The following ANKRD49 variants were observed in gnomAD, a reference collection of about 807,000 sequenced individuals.
The protein encoded by ANKRD49 is ankyrin repeat domain-containing protein 49.
A neutral mutation model predicts 19.6 loss-of-function variants in ANKRD49; 18 were observed. The observed-to-expected ratio is 0.92, with a 90% confidence interval of 0.63 to 1.36. The LOEUF is 1.36. ANKRD49 is among the 40% of genes most tolerant of loss of function. The pLI is 0.00. For missense variants in ANKRD49, 218 were observed against 281.6 expected (o/e 0.77, Z 1.62); for synonymous variants, 88 against 101.8 (o/e 0.86, Z 0.82).
intron 2 of ANKRD49, chr11:94,497,297 A>ATCCC (rs1947429486): frequency 4.4e-6 from 2 of 450,980 alleles, no homozygotes; most frequent in Non-Finnish European, 7.8e-6. Context: ...ATCATCATGT[A>ATCCC]TCCCTATAAG....
Position 94,498,364 on chromosome 11 carries a change from C to G in ANKRD49, c.552C>G (p.Asn184Lys). The G allele has an allele frequency of 1.9e-6, 3 of 1,613,408 alleles. No individual in the cohort carries two copies. The highest frequency in any genetic ancestry group is 1.7e-6 in the Non-Finnish European group (2 of 1,179,896). Reference sequence around the variant, plus strand: ...CCCCCTTGCATCTTGCTGCTGGGAACAGAGACAGCAAGGATACCCTAGAAC... The same window carrying G: ...CCCCCTTGCATCTTGCTGCTGGGAAGAGAGACAGCAAGGATACCCTAGAAC... ...LLTPLHLAAG[N>K]RDSKDTLELL... The change falls in exon 3 of 3, where the codon AAC becomes AAG. Residue 184 changes from asparagine to lysine, a missense_variant. Asn to Lys is a moderately conservative substitution (Grantham distance 94, BLOSUM62 0). Transcript: ENST00000544612.
chr11:94,496,634 C>G lies in ANKRD49; in HGVS notation c.-60C>G. 1.4e-6 allele frequency: 2 copies of G among 1,416,482 alleles called. No homozygotes were observed. The highest frequency in any genetic ancestry group is 9.5e-7 in the Non-Finnish European group (1 of 1,055,852). The allele number at this position is 1,416,482 out of a possible 1,614,324, so 87.7% of individuals were successfully genotyped here. A position where few individuals can be genotyped will look rare whatever the true frequency, so the allele number is the denominator to read the frequency against. On this transcript the variant is annotated 5_prime_UTR_variant, in exon 2 of 3. The change creates a new upstream start codon in the 5' untranslated region. Transcript: ENST00000544612. Reference sequence around the variant, plus strand: ...GATGAACAAAGCAGTCATAATTCATCTCTAGAAAGATTTATATCCTGGCAT... The same window carrying G: ...GATGAACAAAGCAGTCATAATTCATGTCTAGAAAGATTTATATCCTGGCAT...
At chr11:94,496,156 G>T (rs2135160371) in intron 1 of ANKRD49, among the ~76,000 whole-genome samples, 1 of 152,156 alleles carries the variant, frequency 6.6e-6, no homozygotes, top group East Asian at 1.9e-4. Context: ...TCCTTTTGGG[G>T]GCTATTCCAT....
rs1339170206 is a variant in ANKRD49, at chr11:94,493,990, C to G, written c.-136C>G. 6.6e-6 allele frequency: 1 copy of G among 152,344 alleles called. No homozygotes were observed. The highest frequency in any genetic ancestry group is 6.5e-5 in the Admixed American group (1 of 15,284). The allele number at this position is 152,344 out of a possible 1,614,324, so 9.4% of individuals were successfully genotyped here. On this transcript the variant is annotated 5_prime_UTR_variant, in exon 1 of 3. Transcript: ENST00000544612. ...AGCCAATCCTGAGCAGGCTAGGAGA[C>G]GAACCCGGAAGTGAGATGCAAGGCG...
Position 94,496,642 on chromosome 11 carries a change from A to G in ANKRD49, c.-52A>G, listed in dbSNP as rs918981541. The G allele has an allele frequency of 4.1e-6, 6 of 1,455,872 alleles. No individual in the cohort carries two copies. Among genetic ancestry groups the G allele is most frequent in the Non-Finnish European group, 5.5e-6 (6 of 1,089,100 alleles). 90.2% of individuals were successfully genotyped at this position (1,455,872 alleles called of 1,614,324 possible). A position where few individuals can be genotyped will look rare whatever the true frequency, so the allele number is the denominator to read the frequency against. On this transcript the variant is annotated 5_prime_UTR_variant, in exon 2 of 3. Transcript: ENST00000544612. ...AAGCAGTCATAATTCATCTCTAGAAAGATTTATATCCTGGCATTTGAAATG... is the reference window on the plus strand; with the variant it reads ...AAGCAGTCATAATTCATCTCTAGAAGGATTTATATCCTGGCATTTGAAATG...
chr11:94,498,502 A>G lies in ANKRD49; in HGVS notation c.690A>G (p.Glu230=), dbSNP rs537960631. 2 of 1,613,520 alleles carry G rather than the reference A, an allele frequency of 1.2e-6. No homozygotes were observed. Among genetic ancestry groups the G allele is most frequent in the South Asian group, 2.2e-5 (2 of 91,004 alleles). ...ATCACTACCTCTTTGAAATTGTGGA[A>G]GGCTGTACAAATTCTTCACCTCAGT... The part of the protein sequence containing the change: ...SIYHYLFEIV[E]GCTNSSPQS The change falls in exon 3 of 3, where the codon GAA becomes GAG. Residue 230 remains glutamate, a synonymous_variant. Transcript: ENST00000544612.
At chr11:94,497,228 G>C in intron 2 of ANKRD49, 1 of 524,396 alleles carries the variant, frequency 1.9e-6, no homozygotes, top group Non-Finnish European at 3.3e-6. Flanking sequence ...AGAGAGGATG[G>C]AAACTAACAT....
At chr11:94,496,532 C>T in intron 1 of ANKRD49, 72 bp from the exon 2 acceptor site, 4 of 635,536 alleles carry the variant, frequency 6.3e-6, no homozygotes, top group Non-Finnish European at 1.0e-5. Context: ...TATATGTTTG[C>T]AAGACTTATC....
At chr11:94,494,272 A>T (rs971900569) in intron 1 of ANKRD49, 3 of 152,188 alleles carry the variant, frequency 2.0e-5, no homozygotes, top group Non-Finnish European at 4.4e-5. Flanking sequence ...CCGGAGCTGG[A>T]TCCCCTCTCC....
Position 94,498,107 on chromosome 11 carries a change from A to C in ANKRD49, c.295A>C (p.Thr99Pro), listed in dbSNP as rs146992146. The change falls in exon 3 of 3, where the codon ACT becomes CCT. Residue 99 changes from threonine to proline, a missense_variant. Physicochemically the swap from Thr to Pro is conservative, Grantham distance 38. Coordinates refer to ENST00000544612, the MANE Select transcript of ANKRD49 (RefSeq NM_017704.3). ...TVRRLLSEKATHVNTRDEDEY... is the reference protein window; with the variant it reads ...TVRRLLSEKAPHVNTRDEDEY... ...GCGGAGACTCCTTTCTGAAAAGGCC[A>C]CTCACGTGAACACTAGGGATGAAGA... 1 of 1,613,110 alleles carries C rather than the reference A, an allele frequency of 6.2e-7. No individual in the cohort carries two copies. Among genetic ancestry groups the C allele is most frequent in the Non-Finnish European group, 8.5e-7 (1 of 1,179,600 alleles).
chr11:94,496,902 T>A lies in ANKRD49; in HGVS notation c.209T>A (p.Met70Lys). ...TGGTATCGATTGCAAGAAAAAAAAA[T>A]GGAAAAAGACCCAAGCAGATTGCTT... is the stretch of plus-strand genomic sequence containing the variant. Reference protein sequence around the residue: ...EEWYRLQEKKMEKDPSRLLLW... With the variant: ...EEWYRLQEKKKEKDPSRLLLW... Residue 70 changes from methionine (M) to lysine (K), a missense_variant, in exon 2 of 3, where the codon ATG becomes AAG. By Grantham distance (95) the Met-to-Lys change is moderately conservative. Transcript: ENST00000544612. 1.9e-6 allele frequency: 3 copies of A among 1,610,258 alleles called. No homozygotes were observed. The highest frequency in any genetic ancestry group is 2.5e-6 in the Non-Finnish European group (3 of 1,178,952).
Position 94,496,762 on chromosome 11 carries a change from C to T in ANKRD49, c.69C>T (p.His23=). 1 of 1,613,622 alleles carries T rather than the reference C, an allele frequency of 6.2e-7. No homozygotes were observed. Among genetic ancestry groups the T allele is most frequent in the Non-Finnish European group, 8.5e-7 (1 of 1,179,902 alleles). The change falls in exon 2 of 3, where the codon CAC becomes CAT. Residue 23 remains histidine, a synonymous_variant. Transcript: ENST00000544612. ...DQENSLDFSE[H]FNQLELLETH... Reference sequence around the variant, plus strand: ...AGAATTCCTTGGATTTTTCTGAACACTTTAACCAACTTGAATTGTTGGAAA... The same window carrying T: ...AGAATTCCTTGGATTTTTCTGAACATTTTAACCAACTTGAATTGTTGGAAA...
intron 2 of ANKRD49, 23 bp from the exon 3 acceptor site, chr11:94,498,048 A>C (rs1947441612): frequency 6.5e-7 from 1 of 1,530,446 alleles, no homozygotes; most frequent in South Asian, 1.2e-5. Context: ...TTGAGTTGAA[A>C]GATTTCTTTT....
At position 94,498,145 on chromosome 11, in the gene ANKRD49, T is replaced by G. The variant is rs776434868; in HGVS notation, c.333T>G (p.Pro111=). ...CTAGGGATGAAGATGAGTATACCCC[T>G]CTTCATCGAGCAGCCTACAGTGGAC... The part of the protein sequence containing the change: ...VNTRDEDEYT[P]LHRAAYSGHL... Residue 111 remains proline, a synonymous_variant, in exon 3 of 3, where the codon CCT becomes CCG. Coordinates refer to ENST00000544612, the MANE Select transcript of ANKRD49 (RefSeq NM_017704.3). The G allele has an allele frequency of 2.1e-5, 34 of 1,614,028 alleles. No individual in the cohort carries two copies. In the Admixed American group the frequency reaches 4.7e-4, roughly 22 times the overall value.
intron 2 of ANKRD49, 62 bp from the exon 3 acceptor site, chr11:94,498,009 T>G: frequency 5.4e-6 from 7 of 1,285,346 alleles, no homozygotes; most frequent in Middle Eastern, 2.6e-4. Flanking sequence ...CACAAGACAA[T>G]TTTGTTTTAG....
chr11:94,497,874 A>C (rs1455765814), intron 2 of ANKRD49, 197 bp from the exon 3 acceptor site: 2 of 529,282 alleles, frequency 3.8e-6, no homozygotes, highest in African/African-American at 3.9e-5. Context: ...AAGTGTAGTT[A>C]ACACTAACTT....
intron 2 of ANKRD49, 70 bp from the exon 3 acceptor site, chr11:94,498,001 C>T: frequency 8.2e-7 from 1 of 1,223,276 alleles, no homozygotes; most frequent in South Asian, 1.5e-5. Flanking sequence ...TCTAACACCA[C>T]AAGACAATTT....
intron 2 of ANKRD49, chr11:94,497,366 G>T (rs1159987389): frequency 3.7e-6 from 1 of 272,572 alleles, no homozygotes; most frequent in African/African-American, 2.2e-5. Flanking sequence ...AATTTGCCCA[G>T]GATCATCGAA....
chr11:94,497,835 T>G (rs1189431469), intron 2 of ANKRD49: 7 of 442,076 alleles, frequency 1.6e-5, no homozygotes, highest in Middle Eastern at 5.7e-4. Flanking sequence ...TGGTTTGATA[T>G]TCAGAGAATC....
Sources: gnomAD v4.1 joint callset for allele counts (sites outside exome capture counted in the v4.1 genomes callset) on GRCh38, gnomAD v4.1.1 for gene constraint, MANE v1.5 for transcripts, NCBI Gene and HGNC (gene_info 2026-07-23, HGNC 2026-07-21) for gene names.